Variants in SLC2A13 observed in about 807,000 individuals in gnomAD.
The protein encoded by SLC2A13 is solute carrier family 2 member 13.
A neutral mutation model predicts 64.4 loss-of-function variants in SLC2A13; 32 were observed. The ratio of observed to expected loss-of-function variants is 0.50; its 90% CI spans 0.37 to 0.67. The LOEUF is 0.67. Ranked by LOEUF, SLC2A13 falls within the 30% of genes least tolerant of loss-of-function variation. SLC2A13 has a pLI of 0.00. For synonymous variants in SLC2A13, 338 were observed against 327.1 expected (o/e 1.03, Z -0.36); for missense variants, 743 against 829.2 (o/e 0.90, Z 1.28).
intron 9 of SLC2A13, among the ~76,000 whole-genome samples, 171 bp from the exon 10 acceptor site, chr12:39,760,423 G>A (rs1940092031): frequency 6.6e-6 from 1 of 151,824 alleles, no homozygotes; most frequent in African/African-American, 2.4e-5. Flanking sequence ...CCAACTCTGA[G>A]AATATGATGT....
chr12:39,766,389 C>T (rs950889770), intron 7 of SLC2A13, among the ~76,000 whole-genome samples: 2 of 151,998 alleles, frequency 1.3e-5, no homozygotes, highest in Admixed American at 6.6e-5. Flanking sequence ...ATGTACAAAC[C>T]TTAATTTTAA....
intron 6 of SLC2A13, among the ~76,000 whole-genome samples, chr12:39,837,936 T>C (rs1191298532): frequency 6.6e-6 from 1 of 151,146 alleles, no homozygotes; most frequent in African/African-American, 2.4e-5. Flanking sequence ...AGTGTGGCGA[T>C]TCCTCAGGGA....
At chr12:40,021,468 C>A (rs1380686343) in intron 3 of SLC2A13, among the ~76,000 whole-genome samples, 3 of 152,126 alleles carry the variant, frequency 2.0e-5, no homozygotes, top group African/African-American at 7.2e-5. Context: ...TTTTAATAGT[C>A]CTTCAGCTTA....
At chr12:39,786,805 A>G (rs1487330174) in intron 7 of SLC2A13, among the ~76,000 whole-genome samples, 1 of 152,160 alleles carries the variant, frequency 6.6e-6, no homozygotes, top group Non-Finnish European at 1.5e-5. Context: ...TCTCTCCTGT[A>G]ACAGGTGCAA....
At chr12:39,961,132 C>A (rs1393924236) in intron 3 of SLC2A13, among the ~76,000 whole-genome samples, 1 of 151,392 alleles carries the variant, frequency 6.6e-6, no homozygotes, top group Non-Finnish European at 1.5e-5. Flanking sequence ...GGCTGGAGTG[C>A]AGTGGCATGA....
rs1940077627 is a variant in SLC2A13, at chr12:39,760,063, T to C, written c.1910A>G (p.Tyr637Cys). The C allele has an allele frequency of 1.2e-6, 2 of 1,612,664 alleles. No individual in the cohort carries two copies. The highest frequency in any genetic ancestry group is 1.7e-6 in the Non-Finnish European group (2 of 1,179,160). ...AGAAGCATCATTGTCAGAAAGATGA[T>C]AGTTACTTCCCTTTACCCGAATATA... ...IEYIRVKGSN[Y>C]HLSDNDASDV... is the part of the protein sequence containing the mutation. Residue 637 changes from tyrosine (Y) to cysteine (C), a missense_variant, in exon 10 of 10, where the codon TAT becomes TGT. Physicochemically the swap from Tyr to Cys is radical, Grantham distance 194. This residue lies in a region of SLC2A13 where 295 missense variants were observed against 381.7 expected (regional missense o/e 0.77). Coordinates refer to ENST00000280871, the MANE Select transcript of SLC2A13 (RefSeq NM_052885.4).
chr12:39,820,758 T>C (rs199636802), intron 7 of SLC2A13, among the ~76,000 whole-genome samples: 438 of 9,410 alleles, frequency 0.047, 17 homozygotes, highest in African/African-American at 0.25. Flanking sequence ...TATATATATA[T>C]ATATATATAT....
intron 6 of SLC2A13, among the ~76,000 whole-genome samples, chr12:39,835,220 T>A (rs7963790): frequency 6.6e-6 from 1 of 151,894 alleles, no homozygotes; most frequent in Non-Finnish European, 1.5e-5. Context: ...AATTCTAGAC[T>A]TCAAAGTTTT....
At chr12:39,859,285 C>CAA (rs35512219) in intron 6 of SLC2A13, among the ~76,000 whole-genome samples, 249 of 117,272 alleles carry the variant, frequency 2.1e-3, no homozygotes, top group African/African-American at 6.0e-3. Context: ...AAACAAAAAC[C>CAA]AAAAAAAAAG....
chr12:40,003,209 A>G (rs1001750267), intron 3 of SLC2A13, among the ~76,000 whole-genome samples: 12 of 152,262 alleles, frequency 7.9e-5, no homozygotes, highest in African/African-American at 2.7e-4. Flanking sequence ...ATTTTTTAAA[A>G]AGCAATACCT....
intron 3 of SLC2A13, among the ~76,000 whole-genome samples, chr12:40,000,478 C>A (rs1431750040): frequency 6.6e-6 from 1 of 152,220 alleles, no homozygotes; most frequent in Admixed American, 6.5e-5. Context: ...TAGTGCCAAG[C>A]ACCTGGGATC....
intron 4 of SLC2A13, among the ~76,000 whole-genome samples, chr12:39,939,040 C>A (rs965258437): frequency 6.6e-6 from 1 of 150,508 alleles, no homozygotes; most frequent in Non-Finnish European, 1.5e-5. Flanking sequence ...TGGATAAATA[C>A]CCCTGGACTA....
intron 1 of SLC2A13, among the ~76,000 whole-genome samples, chr12:40,075,924 G>A (rs17489473): frequency 4.5e-4 from 69 of 152,124 alleles, no homozygotes; most frequent in Admixed American, 1.6e-3. Flanking sequence ...ATTAAAGTAC[G>A]TGTTTTTCTG....
intron 6 of SLC2A13, among the ~76,000 whole-genome samples, chr12:39,833,802 G>T (rs935968934): frequency 4.0e-5 from 6 of 150,148 alleles, no homozygotes; most frequent in South Asian, 2.1e-4. Flanking sequence ...CCTTGTCTTT[G>T]TTGGGGCTCA....
chr12:39,775,544 A>G (rs1434060103), intron 7 of SLC2A13, among the ~76,000 whole-genome samples: 1 of 152,258 alleles, frequency 6.6e-6, no homozygotes, highest in Non-Finnish European at 1.5e-5. Context: ...TTTAGACTCT[A>G]TTAATTCATA....
At chr12:39,973,073 A>C (rs1291033799) in intron 3 of SLC2A13, among the ~76,000 whole-genome samples, 1 of 152,142 alleles carries the variant, frequency 6.6e-6, no homozygotes, top group Non-Finnish European at 1.5e-5. Context: ...ATCTCAATCA[A>C]TCAATCAATC....
At chr12:40,069,713 T>G in intron 1 of SLC2A13, among the ~76,000 whole-genome samples, 1 of 152,094 alleles carries the variant, frequency 6.6e-6, no homozygotes, top group East Asian at 1.9e-4. Flanking sequence ...TTATTATTAT[T>G]ATTCATCTAA....
intron 3 of SLC2A13, among the ~76,000 whole-genome samples, chr12:39,964,770 T>A (rs1946478059): frequency 1.3e-5 from 2 of 152,130 alleles, no homozygotes; most frequent in Admixed American, 1.3e-4. Flanking sequence ...TCATAGCATA[T>A]AAATAAAACA....
At chr12:40,096,436 C>T (rs1456209540) in intron 1 of SLC2A13, among the ~76,000 whole-genome samples, 1 of 151,320 alleles carries the variant, frequency 6.6e-6, no homozygotes, top group East Asian at 1.9e-4. Flanking sequence ...CAATCTGTTG[C>T]CTTGCTTTTA....
Sources: allele counts gnomAD v4.1 joint callset (sites outside exome capture counted in the v4.1 genomes callset), GRCh38; gene constraint gnomAD v4.1.1; regional missense constraint gnomAD v4.1.1; transcripts MANE v1.5; gene names NCBI Gene and HGNC (gene_info 2026-07-23, HGNC 2026-07-21).